MCPH1: variants seen among roughly 807,000 people sequenced by gnomAD.
MCPH1 encodes microcephalin.
Under a neutral mutation model 84.5 loss-of-function variants are expected in MCPH1, and 104 were observed. The observed-to-expected ratio is 1.23, with a 90% CI of 1.05 to 1.45. The LOEUF (loss-of-function observed/expected upper bound fraction) is 1.45, where lower values mean the gene tolerates loss of function less well. Ranked by LOEUF, MCPH1 falls within the 40% of genes most tolerant of loss-of-function variation. The pLI, the probability that MCPH1 is intolerant of heterozygous loss-of-function variation, is 0.00. For synonymous variants in MCPH1, 514 were observed against 366.8 expected (o/e 1.40, Z -4.58); for missense variants, 1,498 against 1,005.7 (o/e 1.49, Z -6.62).
intron 12 of MCPH1, among the ~76,000 whole-genome samples, chr8:6,580,760 T>C (rs1827505302): frequency 6.6e-6 from 1 of 152,184 alleles, no homozygotes; most frequent in Non-Finnish European, 1.5e-5. Flanking sequence ...GCAGAAAGAC[T>C]TCCCTGAGGG....
intron 12 of MCPH1, among the ~76,000 whole-genome samples, chr8:6,568,244 T>A (rs755924734): frequency 7.7e-6 from 1 of 130,686 alleles, no homozygotes; most frequent in Non-Finnish European, 1.6e-5. Flanking sequence ...CGTGGACCCA[T>A]CGCTAGCTGA....
chr8:6,549,143 T>C (rs1823131237), intron 12 of MCPH1, among the ~76,000 whole-genome samples: 1 of 152,162 alleles, frequency 6.6e-6, no homozygotes, highest in African/African-American at 2.4e-5. Context: ...GAGATAGCAG[T>C]ACAAGAAAAA....
chr8:6,604,984 C>T (rs965892024), intron 12 of MCPH1, among the ~76,000 whole-genome samples: 3 of 152,150 alleles, frequency 2.0e-5, no homozygotes, highest in Non-Finnish European at 2.9e-5. Context: ...GGAAATTGTT[C>T]GGTGCCATCC....
chr8:6,411,197 G>A (rs1798486861), intron 2 of MCPH1, among the ~76,000 whole-genome samples: 1 of 152,154 alleles, frequency 6.6e-6, no homozygotes, highest in Non-Finnish European at 1.5e-5. Flanking sequence ...AAGAGTTGGT[G>A]GTTGCAGCCT....
intron 11 of MCPH1, among the ~76,000 whole-genome samples, chr8:6,484,576 T>A (rs995935352): frequency 6.6e-6 from 1 of 152,200 alleles, no homozygotes; most frequent in African/African-American, 2.4e-5. Flanking sequence ...ACGCGAATAT[T>A]TGTAGCAGCC....
chr8:6,421,681 A>T (rs1469601340), intron 3 of MCPH1, among the ~76,000 whole-genome samples: 1 of 152,166 alleles, frequency 6.6e-6, no homozygotes, highest in East Asian at 1.9e-4. Context: ...CCTCTGTACT[A>T]CAGCTGTAGA....
chr8:6,577,115 G>A (rs932833053), intron 12 of MCPH1, among the ~76,000 whole-genome samples: 1 of 152,184 alleles, frequency 6.6e-6, no homozygotes, highest in Non-Finnish European at 1.5e-5. Flanking sequence ...CTGCTGCACA[G>A]GAGGCCAGGG....
intron 12 of MCPH1, among the ~76,000 whole-genome samples, chr8:6,534,651 T>TA (rs1408043181): frequency 2.0e-5 from 3 of 152,058 alleles, no homozygotes; most frequent in Non-Finnish European, 4.4e-5. Context: ...TTTAAAAATT[T>TA]AAAAAAATAA....
rs551085691 is a variant in MCPH1, at chr8:6,585,276, C to G, written c.2215-36178C>G. Among the ~76,000 whole-genome samples, 10 of 152,314 alleles carry G rather than the reference C, an allele frequency of 6.6e-5. No homozygotes were observed. The South Asian group carries it at 2.1e-3, about 32-fold the overall frequency. On this transcript the variant is annotated intron_variant, in intron 12 of 13. Coordinates refer to ENST00000344683, the MANE Select transcript of MCPH1 (RefSeq NM_024596.5). ...CATAAAAGACACCACAAGCATATTA[C>G]ACGTGAAGCAGGATCCGTGCCCACC...
intron 11 of MCPH1, 88 bp from the exon 12 acceptor site, chr8:6,499,764 T>G: frequency 8.6e-7 from 1 of 1,169,120 alleles, no homozygotes. Flanking sequence ...GTGTATCACT[T>G]TTTGCTGTGT....
intron 5 of MCPH1, among the ~76,000 whole-genome samples, chr8:6,437,847 A>C (rs1802901877): frequency 6.6e-6 from 1 of 152,022 alleles, no homozygotes; most frequent in South Asian, 2.1e-4. Context: ...CTCTCCCCTG[A>C]TGCCTGGATC....
chr8:6,504,253 G>A lies in MCPH1; in HGVS notation c.2214+4324G>A, dbSNP rs918669299. On this transcript the variant is annotated intron_variant, in intron 12 of 13. Coordinates refer to ENST00000344683, the MANE Select transcript of MCPH1 (RefSeq NM_024596.5). ...GAATGGCGTGAACCCGGGAGGCGGA[G>A]CTTGCAGTGAGCCGAGATCGCGCCA... is the stretch of plus-strand genomic sequence containing the variant. 3.5e-5 allele frequency among the ~76,000 whole-genome samples: 5 copies of A among 142,928 alleles called. No individual in the cohort carries two copies. The Admixed American group carries it at 3.7e-4, about 11-fold the overall frequency. The allele number at this position is 142,928 out of a possible 152,430, so 93.8% of individuals were successfully genotyped here. A position where few individuals can be genotyped will look rare whatever the true frequency, so the allele number is the denominator to read the frequency against.
Position 6,644,684 on chromosome 8 carries a change from A to T in MCPH1, c.*1635A>T, listed in dbSNP as rs953854361. 3 of 152,204 alleles carry T rather than the reference A, an allele frequency of 2.0e-5. No homozygotes were observed. Among genetic ancestry groups the T allele is most frequent in the Non-Finnish European group, 4.4e-5 (3 of 68,044 alleles). 9.4% of individuals were successfully genotyped at this position (152,204 alleles called of 1,614,324 possible). A position where few individuals can be genotyped will look rare whatever the true frequency, so the allele number is the denominator to read the frequency against. On this transcript the variant is annotated 3_prime_UTR_variant, in exon 14 of 14. Coordinates refer to ENST00000344683, the MANE Select transcript of MCPH1 (RefSeq NM_024596.5). ...ATAAACGAGATGCTGAGTCCCAGCG[A>T]GGTCGGAGGTGCCACTGAGCCCTCA... is the stretch of plus-strand genomic sequence containing the variant.
intron 12 of MCPH1, among the ~76,000 whole-genome samples, chr8:6,564,565 G>T (rs1416304830): frequency 9.6e-6 from 1 of 104,606 alleles, no homozygotes; most frequent in African/African-American, 2.8e-5. Flanking sequence ...TAGGGAAAAA[G>T]CCCCCTGCCT....
At chr8:6,453,202 A>G (rs962831581) in intron 8 of MCPH1, among the ~76,000 whole-genome samples, 4 of 152,200 alleles carry the variant, frequency 2.6e-5, no homozygotes, top group Non-Finnish European at 5.9e-5. Context: ...GTGGAGTCCA[A>G]CTAATCTTTC....
At chr8:6,496,401 C>T (rs1036092494) in intron 11 of MCPH1, among the ~76,000 whole-genome samples, 1 of 152,188 alleles carries the variant, frequency 6.6e-6, no homozygotes, top group Non-Finnish European at 1.5e-5. Context: ...CCACCACTCA[C>T]CTCCTGCTGT....
intron 10 of MCPH1, among the ~76,000 whole-genome samples, chr8:6,480,112 TC>T (rs1808996729): frequency 6.6e-6 from 1 of 151,588 alleles, no homozygotes; most frequent in Admixed American, 6.6e-5. Flanking sequence ...TTCCTTTTTT[TC>T]TTTTTTCTTT....
intron 11 of MCPH1, among the ~76,000 whole-genome samples, chr8:6,496,582 C>T (rs539847295): frequency 1.3e-5 from 2 of 148,658 alleles, no homozygotes; most frequent in Non-Finnish European, 3.0e-5. Flanking sequence ...ATTCTTAGTA[C>T]CACAACTGCA....
chr8:6,539,465 G>A (rs2897911), intron 12 of MCPH1, among the ~76,000 whole-genome samples: 1 of 151,962 alleles, frequency 6.6e-6, no homozygotes, highest in African/African-American at 2.4e-5. Flanking sequence ...ACTTCTCTTA[G>A]GGAGCACACT....
Sources: allele counts gnomAD v4.1 joint callset (sites outside exome capture counted in the v4.1 genomes callset), GRCh38; gene constraint gnomAD v4.1.1; transcripts MANE v1.5; gene names NCBI Gene and HGNC (gene_info 2026-07-23, HGNC 2026-07-21).